The following CELF2 variants were observed in gnomAD, a reference collection of about 807,000 sequenced individuals.
The protein encoded by CELF2 is CUGBP Elav-like family member 2.
Under a neutral mutation model 62.6 loss-of-function variants are expected in CELF2, and 8 were observed. The observed-to-expected ratio is 0.13, with a 90% confidence interval of 0.07 to 0.23. CELF2 has a LOEUF of 0.23. Among genes scored for constraint, CELF2 ranks in the 10% least tolerant of loss-of-function variants. CELF2 has a pLI of 1.00. For missense variants in CELF2, 333 were observed against 671.0 expected, an observed-to-expected ratio of 0.50 and a Z score of 5.56; for synonymous variants, 258 against 250.0, an observed-to-expected ratio of 1.03 and a Z score of -0.30.
rs527858492 is a variant in CELF2 at position 10,859,615 on chromosome 10, A to G, written c.54-60349A>G. ...CATCCTATTAAATAACCACACACAC[A>G]TACACACAAACCTTTTTATAGTAGC... On this transcript the variant is annotated intron_variant, in intron 1 of 13. Transcript: ENST00000636488. Among the ~76,000 whole-genome samples, 3 of 152,302 alleles carry G rather than the reference A, an allele frequency of 2.0e-5. No homozygotes were observed. In the East Asian group the frequency reaches 5.8e-4, roughly 29 times the overall value.
chr10:11,028,977 G>A (rs921377941), intron 1 of CELF2, among the ~76,000 whole-genome samples: 1 of 152,202 alleles, frequency 6.6e-6, no homozygotes, highest in Non-Finnish European at 1.5e-5. Context: ...GCCTTCCAAA[G>A]TTCTGGGATT....
At chr10:10,596,104 G>A in the CELF2 span, among the ~76,000 whole-genome samples, 1 of 152,086 alleles carries the variant, frequency 6.6e-6, no homozygotes, top group Non-Finnish European at 1.5e-5. Context: ...CTAAGCCCCA[G>A]TTTGGGACTC....
intron 1 of CELF2, among the ~76,000 whole-genome samples, chr10:10,809,849 CT>C (rs2055656297): frequency 6.6e-6 from 1 of 152,036 alleles, no homozygotes; most frequent in Non-Finnish European, 1.5e-5. Context: ...GTTTATGTGA[CT>C]GGTAAACTCA....
At chr10:10,464,422 G>A in the CELF2 span, among the ~76,000 whole-genome samples, 2 of 151,218 alleles carry the variant, frequency 1.3e-5, no homozygotes, top group African/African-American at 2.4e-5. Flanking sequence ...CACAGTACTT[G>A]TCTTTTTTTT....
chr10:11,073,556 G>A (rs1287600971), intron 1 of CELF2, among the ~76,000 whole-genome samples: 1 of 152,188 alleles, frequency 6.6e-6, no homozygotes, highest in Admixed American at 6.6e-5. Flanking sequence ...AAATTTGCTG[G>A]CACCTACTAT....
intron 2 of CELF2, among the ~76,000 whole-genome samples, chr10:10,955,811 T>G (rs964134177): frequency 2.0e-5 from 3 of 152,234 alleles, no homozygotes; most frequent in Non-Finnish European, 4.4e-5. Context: ...AGGAAGATTC[T>G]GTGTTCATGC....
At chr10:11,027,529 C>T (rs180696760) in intron 1 of CELF2, among the ~76,000 whole-genome samples, 11 of 151,438 alleles carry the variant, frequency 7.3e-5, no homozygotes, top group Non-Finnish European at 1.2e-4. Flanking sequence ...ACCTTTCTTT[C>T]GGGAGGAATT....
chr10:11,029,634 A>AG (rs1264237089), intron 1 of CELF2, among the ~76,000 whole-genome samples: 2 of 152,200 alleles, frequency 1.3e-5, no homozygotes, highest in African/African-American at 2.4e-5. Flanking sequence ...TGCTGGAGGC[A>AG]GGGGGGCCTT....
chr10:10,581,356 A>G, the CELF2 span, among the ~76,000 whole-genome samples: 2 of 152,184 alleles, frequency 1.3e-5, no homozygotes, highest in Non-Finnish European at 2.9e-5. Context: ...GCCGATTTTG[A>G]TCCATTTTGC....
intron 1 of CELF2, among the ~76,000 whole-genome samples, chr10:10,851,175 CAT>C (rs2059362020): frequency 6.6e-6 from 1 of 152,182 alleles, no homozygotes; most frequent in African/African-American, 2.4e-5. Flanking sequence ...AGGCATAATC[CAT>C]ATGAGTTCTT....
chr10:10,859,299 T>C (rs1303488905), intron 1 of CELF2, among the ~76,000 whole-genome samples: 2 of 152,178 alleles, frequency 1.3e-5, no homozygotes. Flanking sequence ...ATTATCCTAA[T>C]TAGAATCTAA....
chr10:11,034,997 A>G (rs1228517825), intron 1 of CELF2, among the ~76,000 whole-genome samples: 1 of 152,100 alleles, frequency 6.6e-6, no homozygotes, highest in Admixed American at 6.6e-5. Flanking sequence ...GCTTCCATCT[A>G]TTGTCCTAGC....
intron 1 of CELF2, among the ~76,000 whole-genome samples, chr10:11,048,301 C>CATTT (rs1243237536): frequency 1.3e-5 from 2 of 152,194 alleles, no homozygotes; most frequent in Non-Finnish European, 2.9e-5. Flanking sequence ...TCCCCCTTTG[C>CATTT]ATTTAGGCTC....
At chr10:10,563,598 A>T in the CELF2 span, among the ~76,000 whole-genome samples, 13 of 134,228 alleles carry the variant, frequency 9.7e-5, no homozygotes, top group Admixed American at 6.6e-4. Context: ...ACATAGGGAG[A>T]CTGTGTCTCA....
rs1429426115 is a variant in CELF2 at position 11,005,440 on chromosome 10, G to A, written c.53G>A (p.Ser18Asn). ...ATGAGAAATGAAGAGCTGCTTTTAA[G>A]GTATGTTGTTGTGTCCTTTGTTTTT... is the stretch of plus-strand genomic sequence containing the variant. Residue 18 changes from serine to asparagine, a missense_variant and splice_region_variant, in exon 1 of 13, where the codon AGT (serine) becomes AAT (asparagine). Transcript: ENST00000416382. This position sits in a 1 kb window ranked among gnomAD's most constrained non-coding sequence, Gnocchi z 4.3. The A allele has an allele frequency of 6.2e-7, 1 of 1,613,908 alleles. No homozygotes were observed. The highest frequency in any genetic ancestry group is 1.1e-5 in the South Asian group (1 of 91,080).
At chr10:10,500,522 T>C in the CELF2 span, among the ~76,000 whole-genome samples, 2 of 152,290 alleles carry the variant, frequency 1.3e-5, no homozygotes, top group South Asian at 2.1e-4. Flanking sequence ...AAAGCACAAA[T>C]TCTCTCTTGC....
At chr10:10,908,296 T>C (rs2063518499) in intron 1 of CELF2, among the ~76,000 whole-genome samples, 1 of 147,826 alleles carries the variant, frequency 6.8e-6, no homozygotes, top group Non-Finnish European at 1.5e-5. Flanking sequence ...CTTGGCTCAC[T>C]GCAAGCTCCA....
the CELF2 span, among the ~76,000 whole-genome samples, chr10:10,586,104 C>T: frequency 1.3e-5 from 2 of 152,166 alleles, no homozygotes; most frequent in Non-Finnish European, 2.9e-5. Flanking sequence ...TTTCAAGCTG[C>T]ACCACTGCAA....
chr10:10,524,761 T>C, the CELF2 span, among the ~76,000 whole-genome samples: 1 of 152,166 alleles, frequency 6.6e-6, no homozygotes, highest in Non-Finnish European at 1.5e-5. Context: ...GTTGAAAAAT[T>C]ACCAAGGTCA....
Sources: allele counts gnomAD v4.1 joint callset (sites outside exome capture counted in the v4.1 genomes callset), GRCh38; gene constraint gnomAD v4.1.1; non-coding constraint Gnocchi (gnomAD v3.1); transcripts MANE v1.5; gene names NCBI Gene and HGNC (gene_info 2026-07-23, HGNC 2026-07-21).